ZFPM1: variants seen among roughly 807,000 people sequenced by gnomAD.
ZFPM1 encodes zinc finger protein, FOG family member 1.
Under a neutral mutation model 46.3 loss-of-function variants are expected in ZFPM1, and 28 were observed. That is an observed-to-expected ratio of 0.60 (90% CI 0.45 to 0.83). ZFPM1 has a LOEUF of 0.83. ZFPM1 is among the 40% of genes least tolerant of loss of function. The pLI, the probability that ZFPM1 is intolerant of heterozygous loss-of-function variation, is 0.00. For synonymous variants in ZFPM1, 957 were observed against 675.9 expected, an observed-to-expected ratio of 1.42 and a Z score of -6.45; for missense variants, 1,878 against 1,432.4, an observed-to-expected ratio of 1.31 and a Z score of -5.02.
At chr16:88,502,619 C>CG (rs1910431068) in intron 3 of ZFPM1, among the ~76,000 whole-genome samples, 1 of 152,200 alleles carries the variant, frequency 6.6e-6, no homozygotes, top group African/African-American at 2.4e-5. Context: ...GGTGACCCCC[C>CG]CTAGCCGAGG....
In ZFPM1 at chr16:88,461,216, G is replaced by C. The variant is rs911368938; in HGVS notation, c.40+7538G>C. ...GAGGCCTGGTGAGGACCCAGGGGCG[G>C]GAGGCCTGGTGAGGACCCAGGGGTG... On this transcript the variant is annotated intron_variant, in intron 1 of 9. Coordinates refer to ENST00000319555, the MANE Select transcript of ZFPM1 (RefSeq NM_153813.3). Among the ~76,000 whole-genome samples the C allele has an allele frequency of 5.5e-3, 698 of 126,218 alleles. 31 individuals are homozygous for C. Among genetic ancestry groups the C allele is most frequent in the Non-Finnish European group, 9.7e-3 (582 of 59,702 alleles). 82.8% of individuals were successfully genotyped at this position (126,218 alleles called of 152,430 possible). A position where few individuals can be genotyped will look rare whatever the true frequency, so the allele number is the denominator to read the frequency against.
chr16:88,485,333 G>T (rs538392930), intron 1 of ZFPM1, among the ~76,000 whole-genome samples: 1 of 152,168 alleles, frequency 6.6e-6, no homozygotes, highest in Non-Finnish European at 1.5e-5. Flanking sequence ...AGTGGAATCC[G>T]TGGGCGTGGT....
chr16:88,482,859 G>C (rs143957543), intron 1 of ZFPM1, among the ~76,000 whole-genome samples: 8 of 152,178 alleles, frequency 5.3e-5, no homozygotes, highest in Non-Finnish European at 1.2e-4. Context: ...GCGTGCTCCC[G>C]CCAAGTCGGG....
rs181686509 is a variant in ZFPM1, at chr16:88,475,518, G to T, written c.41-10421G>T. On this transcript the variant is annotated intron_variant, in intron 1 of 9. Coordinates refer to ENST00000319555, the MANE Select transcript of ZFPM1 (RefSeq NM_153813.3). ...CCTGAGCAGGGGCAGGGGTCCGGGGGGGGGAGCACAGCCAAGAAAAAGGGA... is the reference window on the plus strand; with the variant it reads ...CCTGAGCAGGGGCAGGGGTCCGGGGTGGGGAGCACAGCCAAGAAAAAGGGA... Among the ~76,000 whole-genome samples, 26 of 152,046 alleles carry T rather than the reference G, an allele frequency of 1.7e-4. No homozygotes were observed. The South Asian group carries it at 3.1e-3, about 18-fold the overall frequency.
At position 88,516,544 on chromosome 16, in the gene ZFPM1, C is replaced by G. The variant is rs1186595160; in HGVS notation, c.402+2024C>G. The G allele has an allele frequency of 2.8e-5, 11 of 398,702 alleles. No homozygotes were observed. The East Asian group carries it at 3.9e-4, about 14-fold the overall frequency. 24.7% of individuals were successfully genotyped at this position (398,702 alleles called of 1,614,324 possible). ...CCTGCAGAATTAAATCCTTGATTAA[C>G]CCTTATCTCCCCAGCGAGGCGCTAT... is the stretch of plus-strand genomic sequence containing the variant. On this transcript the variant is annotated intron_variant, in intron 4 of 9. Coordinates refer to ENST00000319555, the MANE Select transcript of ZFPM1 (RefSeq NM_153813.3).
intron 3 of ZFPM1, among the ~76,000 whole-genome samples, chr16:88,507,468 C>T (rs1282122117): frequency 6.6e-6 from 1 of 152,226 alleles, no homozygotes; most frequent in African/African-American, 2.4e-5. Context: ...CACTGACTGA[C>T]TAGTGCCCCA....
At chr16:88,466,301 C>T (rs1176706496) in intron 1 of ZFPM1, among the ~76,000 whole-genome samples, 7 of 152,204 alleles carry the variant, frequency 4.6e-5, no homozygotes, top group Admixed American at 4.6e-4. Context: ...TACTCTGCAG[C>T]CCTGGGAGGG....
intron 6 of ZFPM1, chr16:88,530,292 T>C (rs1261317323): frequency 6.6e-6 from 1 of 152,144 alleles, no homozygotes; most frequent in African/African-American, 2.4e-5. Flanking sequence ...CACCTCCCAG[T>C]CCCTGAGGGG....
intron 6 of ZFPM1, among the ~76,000 whole-genome samples, chr16:88,530,067 TCTC>T (rs1233504036): frequency 6.6e-6 from 1 of 151,850 alleles, no homozygotes; most frequent in East Asian, 1.9e-4. Context: ...CCATCTGCCT[TCTC>T]CTCTTCCCTG....
intron 2 of ZFPM1, among the ~76,000 whole-genome samples, chr16:88,487,231 A>G (rs1909280738): frequency 6.6e-6 from 1 of 152,040 alleles, no homozygotes; most frequent in African/African-American, 2.4e-5. Context: ...CCCATTTTCC[A>G]AGGTCCGAGA....
intron 6 of ZFPM1, among the ~76,000 whole-genome samples, chr16:88,529,141 G>A (rs1005675123): frequency 9.2e-5 from 14 of 152,144 alleles, no homozygotes; most frequent in African/African-American, 3.4e-4. Flanking sequence ...TGAGCCGAGG[G>A]TGATGGTGCG....
intron 1 of ZFPM1, among the ~76,000 whole-genome samples, chr16:88,485,272 G>A (rs142477844): frequency 6.6e-6 from 1 of 152,144 alleles, no homozygotes; most frequent in South Asian, 2.1e-4. Context: ...CCTGGTGCTG[G>A]GGGGAGCAGG....
At chr16:88,466,817 GC>G (rs906965071) in intron 1 of ZFPM1, among the ~76,000 whole-genome samples, 1 of 152,092 alleles carries the variant, frequency 6.6e-6, no homozygotes, top group Non-Finnish European at 1.5e-5. Flanking sequence ...TTTAAATCCT[GC>G]CCCCTGGCCG....
chr16:88,498,881 G>A (rs1237117771), intron 3 of ZFPM1, among the ~76,000 whole-genome samples: 4 of 152,214 alleles, frequency 2.6e-5, no homozygotes, highest in Non-Finnish European at 4.4e-5. Context: ...CCCTGGCCCT[G>A]AGCCTTCCCA....
chr16:88,477,582 C>A (rs964023857), intron 1 of ZFPM1, among the ~76,000 whole-genome samples: 4 of 152,188 alleles, frequency 2.6e-5, no homozygotes, highest in African/African-American at 9.6e-5. Flanking sequence ...GTGGTCCCAG[C>A]TACTCAGGAG....
chr16:88,459,647 C>T (rs996318285), intron 1 of ZFPM1, among the ~76,000 whole-genome samples: 1 of 129,080 alleles, frequency 7.7e-6, no homozygotes, highest in Non-Finnish European at 1.7e-5. Context: ...AACGCCCACC[C>T]ATGGGGCTGG....
chr16:88,524,874 G>A (rs1338098303), intron 4 of ZFPM1, among the ~76,000 whole-genome samples: 1 of 152,200 alleles, frequency 6.6e-6, no homozygotes, highest in Non-Finnish European at 1.5e-5. Flanking sequence ...CCTGAGCCAG[G>A]GGTTGGGGTG....
chr16:88,490,001 G>A (rs1285383660), intron 3 of ZFPM1, among the ~76,000 whole-genome samples: 7 of 152,126 alleles, frequency 4.6e-5, no homozygotes, highest in Admixed American at 6.5e-5. Context: ...GGGACAGCGT[G>A]GGGAGGGGCA....
intron 3 of ZFPM1, among the ~76,000 whole-genome samples, chr16:88,510,071 C>G (rs547945024): frequency 6.6e-6 from 1 of 152,206 alleles, no homozygotes; most frequent in East Asian, 1.9e-4. Flanking sequence ...ATCTGGGCAG[C>G]TAGGAGAGAG....
Sources: gnomAD v4.1 joint callset for allele counts (sites outside exome capture counted in the v4.1 genomes callset) on GRCh38, gnomAD v4.1.1 for gene constraint, MANE v1.5 for transcripts, NCBI Gene and HGNC (gene_info 2026-07-23, HGNC 2026-07-21) for gene names.